The following GRM1 variants were observed in gnomAD, a reference collection of about 807,000 sequenced individuals.
The protein encoded by GRM1 is glutamate metabotropic receptor 1.
A neutral mutation model predicts 90.9 loss-of-function variants in GRM1; 33 were observed. That is an observed-to-expected ratio of 0.36 (90% CI 0.28 to 0.49). The LOEUF (loss-of-function observed/expected upper bound fraction) is 0.49. GRM1 is among the 20% of genes least tolerant of loss of function. The probability of loss-of-function intolerance (pLI) is 0.99; values close to 1 mark genes in which losing one functional copy is unlikely to be tolerated. For synonymous variants in GRM1, 700 were observed against 613.2 expected, an observed-to-expected ratio of 1.14 and a Z score of -2.09; for missense variants, 1,190 against 1,534.3, an observed-to-expected ratio of 0.78 and a Z score of 3.75.
intron 1 of GRM1, among the ~76,000 whole-genome samples, chr6:146,140,311 C>T (rs1416767329): frequency 6.6e-6 from 1 of 151,522 alleles, no homozygotes; most frequent in Non-Finnish European, 1.5e-5. Context: ...ACACTGTTGC[C>T]CAGGCTGGAG....
intron 1 of GRM1, among the ~76,000 whole-genome samples, chr6:146,080,919 A>G (rs1776344590): frequency 1.3e-5 from 2 of 152,170 alleles, no homozygotes; most frequent in African/African-American, 4.8e-5. Flanking sequence ...TGAATTTCCC[A>G]CACCCACGGT....
chr6:146,158,043 G>A (rs547769577), intron 1 of GRM1, among the ~76,000 whole-genome samples: 2 of 152,260 alleles, frequency 1.3e-5, no homozygotes, highest in East Asian at 1.9e-4. Flanking sequence ...CAGGGGTGAT[G>A]TAGTATAATT....
At chr6:146,414,314 A>C (rs1167838190) in intron 7 of GRM1, among the ~76,000 whole-genome samples, 1 of 151,556 alleles carries the variant, frequency 6.6e-6, no homozygotes, top group Non-Finnish European at 1.5e-5. Flanking sequence ...TTGGCCATCT[A>C]TATACCATCT....
intron 7 of GRM1, chr6:146,426,487 G>C: frequency 7.1e-7 from 1 of 1,405,454 alleles, no homozygotes; most frequent in Admixed American, 1.9e-5. Flanking sequence ...TGCCTGAGTG[G>C]TGGACTTGCC....
chr6:146,173,141 G>C (rs968204656), intron 2 of GRM1, among the ~76,000 whole-genome samples: 1 of 152,074 alleles, frequency 6.6e-6, no homozygotes, highest in Non-Finnish European at 1.5e-5. Context: ...TGTAATTCCA[G>C]CACTCTGGGA....
chr6:146,142,522 A>G (rs913999212), intron 1 of GRM1, among the ~76,000 whole-genome samples: 1 of 152,080 alleles, frequency 6.6e-6, no homozygotes, highest in Non-Finnish European at 1.5e-5. Flanking sequence ...CAGAGATGCC[A>G]TCTAGGAGGC....
intron 3 of GRM1, among the ~76,000 whole-genome samples, chr6:146,328,938 C>T (rs1216241070): frequency 1.3e-5 from 2 of 152,196 alleles, no homozygotes; most frequent in Non-Finnish European, 2.9e-5. Context: ...CTCAATAGGG[C>T]AGGCTATGCC....
chr6:146,276,168 T>C (rs910211645), intron 2 of GRM1, among the ~76,000 whole-genome samples: 1 of 152,190 alleles, frequency 6.6e-6, no homozygotes, highest in African/African-American at 2.4e-5. Flanking sequence ...AAATTTATTT[T>C]AAGCCCATTA....
At chr6:146,320,394 G>A (rs950365571) in intron 3 of GRM1, among the ~76,000 whole-genome samples, 3 of 152,094 alleles carry the variant, frequency 2.0e-5, no homozygotes, top group East Asian at 1.9e-4. Context: ...TTTTCCCATC[G>A]ATGTTCATCA....
At chr6:146,155,016 T>C (rs1777470928) in intron 1 of GRM1, among the ~76,000 whole-genome samples, 1 of 152,230 alleles carries the variant, frequency 6.6e-6, no homozygotes, top group Admixed American at 6.5e-5. Context: ...TGCTTATAAC[T>C]TTTGCCCATT....
chr6:146,326,846 G>T (rs1202310368), intron 3 of GRM1, among the ~76,000 whole-genome samples: 1 of 152,142 alleles, frequency 6.6e-6, no homozygotes, highest in East Asian at 1.9e-4. Flanking sequence ...CAAAAATCCT[G>T]ACAATATGAC....
intron 1 of GRM1, among the ~76,000 whole-genome samples, chr6:146,052,562 C>CT (rs555333194): frequency 7.1e-4 from 108 of 152,066 alleles, no homozygotes; most frequent in African/African-American, 2.5e-3. Context: ...CTGGTATCAC[C>CT]TATCCCATCC....
At chr6:146,412,674 A>G (rs527865769) in intron 7 of GRM1, among the ~76,000 whole-genome samples, 32 of 152,324 alleles carry the variant, frequency 2.1e-4, no homozygotes, top group Middle Eastern at 3.4e-3. Flanking sequence ...GTTAACATGT[A>G]CTACATCTAT....
At chr6:146,411,550 T>G (rs1213040025) in intron 7 of GRM1, among the ~76,000 whole-genome samples, 1 of 152,104 alleles carries the variant, frequency 6.6e-6, no homozygotes, top group African/African-American at 2.4e-5. Flanking sequence ...GTGAGATGTG[T>G]GTTTCAGAAC....
At chr6:146,179,805 C>G (rs1778477893) in intron 2 of GRM1, among the ~76,000 whole-genome samples, 1 of 152,032 alleles carries the variant, frequency 6.6e-6, no homozygotes, top group South Asian at 2.1e-4. Context: ...GTGAGCCACC[C>G]TGCCCAGCCC....
At chr6:146,228,532 A>G (rs1226449854) in intron 2 of GRM1, among the ~76,000 whole-genome samples, 2 of 152,154 alleles carry the variant, frequency 1.3e-5, no homozygotes, top group Non-Finnish European at 2.9e-5. Flanking sequence ...AAATTTCAAC[A>G]TGATTTTTTG....
At chr6:146,283,881 T>C (rs1782668706) in intron 2 of GRM1, among the ~76,000 whole-genome samples, 1 of 152,226 alleles carries the variant, frequency 6.6e-6, no homozygotes, top group East Asian at 1.9e-4. Context: ...TACTCATGTA[T>C]AACTCACGTA....
rs371906455 is a variant in GRM1, at chr6:146,337,004, G to A, written c.1187-15246G>A. ...TTCCAAGGTCCCAACCTGGTTTTTC[G>A]CTTTCTTGCTGAACTTATTTGCCTG... On this transcript the variant is annotated intron_variant, in intron 3 of 7. Transcript: ENST00000282753. 4.6e-5 allele frequency among the ~76,000 whole-genome samples: 7 copies of A among 152,106 alleles called. No homozygotes were observed. The East Asian group carries it at 5.8e-4, about 13-fold the overall frequency.
chr6:146,098,377 C>A (rs866604151), intron 1 of GRM1, among the ~76,000 whole-genome samples: 4 of 152,118 alleles, frequency 2.6e-5, no homozygotes, highest in Non-Finnish European at 5.9e-5. Flanking sequence ...CTGTTAACCA[C>A]AAATAGTCCT....
Sources: allele counts gnomAD v4.1 joint callset (sites outside exome capture counted in the v4.1 genomes callset), GRCh38; gene constraint gnomAD v4.1.1; transcripts MANE v1.5; gene names NCBI Gene and HGNC (gene_info 2026-07-23, HGNC 2026-07-21).